Variants in SEPTIN10 observed in about 807,000 individuals in gnomAD.
The protein encoded by SEPTIN10 is septin-10.
SEPTIN10 carries 66 observed loss-of-function variants against 54.8 expected under a neutral mutation model. The ratio of observed to expected loss-of-function variants is 1.21; its 90% CI spans 0.99 to 1.48. The LOEUF is 1.48. SEPTIN10 is among the 40% of genes most tolerant of loss of function. The pLI is 0.00. For missense variants in SEPTIN10, 620 were observed against 545.6 expected (o/e 1.14, Z -1.36); for synonymous variants, 161 against 181.0 (o/e 0.89, Z 0.89).
chr2:109,559,915 T>C (rs1685241815), intron 8 of SEPTIN10, among the ~76,000 whole-genome samples: 1 of 148,460 alleles, frequency 6.7e-6, no homozygotes, highest in African/African-American at 2.5e-5. Flanking sequence ...CAATGCCTTT[T>C]TTTTTTTTTT....
At chr2:109,568,326 A>G (rs975524130) in intron 5 of SEPTIN10, among the ~76,000 whole-genome samples, 7 of 151,086 alleles carry the variant, frequency 4.6e-5, no homozygotes, top group Non-Finnish European at 8.8e-5. Context: ...TCTCCTGTAT[A>G]TATACACCCC....
chr2:109,584,114 C>T (rs776062828), intron 4 of SEPTIN10, among the ~76,000 whole-genome samples: 8 of 152,124 alleles, frequency 5.3e-5, no homozygotes, highest in Non-Finnish European at 1.0e-4. Context: ...TGTAATAAAC[C>T]TGCAAATGTA....
chr2:109,585,428 G>T, intron 3 of SEPTIN10, 107 bp from the exon 4 acceptor site: 1 of 937,810 alleles, frequency 1.1e-6, no homozygotes, highest in Non-Finnish European at 1.6e-6. Flanking sequence ...TCAAAGGCCA[G>T]GGTGCGCATG....
chr2:109,592,917 AAATT>A, intron 2 of SEPTIN10, 130 bp downstream of exon 2: 1 of 468,530 alleles, frequency 2.1e-6, no homozygotes, highest in Non-Finnish European at 3.7e-6. Flanking sequence ...ATCAACAGAA[AAATT>A]AATTCACGTT....
chr2:109,567,695 C>T, intron 6 of SEPTIN10, 120 bp downstream of exon 6: 1 of 1,019,534 alleles, frequency 9.8e-7, no homozygotes. Context: ...TTTGAAAATT[C>T]ACCTTGTTTG....
chr2:109,608,629 A>G (rs1360102133), intron 1 of SEPTIN10, among the ~76,000 whole-genome samples: 1 of 152,242 alleles, frequency 6.6e-6, no homozygotes, highest in Non-Finnish European at 1.5e-5. Flanking sequence ...ACAAAGTATA[A>G]GTGCTATATC....
At chr2:109,566,216 G>C (rs868473298) in intron 6 of SEPTIN10, among the ~76,000 whole-genome samples, 140 of 152,144 alleles carry the variant, frequency 9.2e-4, no homozygotes, top group African/African-American at 3.3e-3. Flanking sequence ...CGCCTCCTGG[G>C]TTCCAGTGAT....
intron 9 of SEPTIN10, among the ~76,000 whole-genome samples, chr2:109,549,217 G>C (rs1168572455): frequency 6.6e-6 from 1 of 152,234 alleles, no homozygotes; most frequent in Non-Finnish European, 1.5e-5. Context: ...AGGAGCAGGA[G>C]TGGGACAAAG....
At position 109,544,014 on chromosome 2, in the gene SEPTIN10, C is replaced by T. The variant is rs1346512149; in HGVS notation, c.*295G>A. ...CTGAACCATCAGAAAGCAAAGGTGT[C>T]GGGTGGGGAATTTTCCACTTGTGGG... On this transcript the variant is annotated 3_prime_UTR_variant, in exon 11 of 11. Coordinates refer to ENST00000397712, the MANE Select transcript of SEPTIN10 (RefSeq NM_144710.5). The T allele has an allele frequency of 2.7e-6, 2 of 748,360 alleles. No individual in the cohort carries two copies. The highest frequency in any genetic ancestry group is 3.0e-5 in the Admixed American group (1 of 33,412). The allele number at this position is 748,360 out of a possible 1,614,324, so 46.4% of individuals were successfully genotyped here.
intron 9 of SEPTIN10, among the ~76,000 whole-genome samples, chr2:109,551,275 C>T (rs1682889961): frequency 6.6e-6 from 1 of 152,176 alleles, no homozygotes; most frequent in African/African-American, 2.4e-5. Flanking sequence ...ATATTTGTTT[C>T]ACAACAATAT....
rs1277150089 is a variant in SEPTIN10, at chr2:109,567,913, T to TA, written c.663dup (p.Lys222Ter). On this transcript the variant is annotated frameshift_variant, in exon 6 of 11. Transcript: ENST00000397712. LOFTEE classifies it high-confidence loss of function. Reference sequence around the variant, plus strand: ...ACCAATTCACTCATGAGCTTGATCTTAAACTTCTGTAATTCAGTTTTAGAA... The same window carrying TA: ...ACCAATTCACTCATGAGCTTGATCTTAAAACTTCTGTAATTCAGTTTTAGAA... 1 of 1,613,968 alleles carries TA rather than the reference T, an allele frequency of 6.2e-7. No individual in the cohort carries two copies. Among genetic ancestry groups the TA allele is most frequent in the Non-Finnish European group, 8.5e-7 (1 of 1,179,846 alleles).
At chr2:109,544,494 G>C (rs912973417) in intron 10 of SEPTIN10, 170 bp from the exon 11 acceptor site, 2 of 985,200 alleles carry the variant, frequency 2.0e-6, no homozygotes, top group Non-Finnish European at 2.4e-6. Flanking sequence ...TTCTTCTAGA[G>C]AGCTCTCAAA....
chr2:109,576,363 C>T (rs757622583), intron 4 of SEPTIN10, among the ~76,000 whole-genome samples: 8 of 151,794 alleles, frequency 5.3e-5, no homozygotes, highest in Non-Finnish European at 7.4e-5. Flanking sequence ...CCTCCCAAAG[C>T]GCTGGGATGA....
At chr2:109,556,914 G>C (rs1212602359) in intron 8 of SEPTIN10, among the ~76,000 whole-genome samples, 2 of 151,978 alleles carry the variant, frequency 1.3e-5, no homozygotes, top group African/African-American at 2.4e-5. Flanking sequence ...GCAAACTATC[G>C]CAAGGACAAA....
chr2:109,551,955 G>A (rs6752531), intron 9 of SEPTIN10, among the ~76,000 whole-genome samples: 38,589 of 152,018 alleles, frequency 0.25, 5,002 homozygotes, highest in South Asian at 0.3. Flanking sequence ...TCCCCAGGCC[G>A]CGGACCAGTA....
At chr2:109,588,848 A>AT (rs1227216488) in intron 2 of SEPTIN10, among the ~76,000 whole-genome samples, 5 of 97,618 alleles carry the variant, frequency 5.1e-5, no homozygotes, top group African/African-American at 1.8e-4. Context: ...GTCAATTACT[A>AT]TTAAAAAAAA....
At position 109,544,465 on chromosome 2, in the gene SEPTIN10, A is replaced by G. The variant is rs181923429; in HGVS notation, c.1350-141T>C. ...AAGAAAAAACCAAAAACACCAAACCATATTTTCTTGAAGATAAATTCTTCT... is the reference window on the plus strand; with the variant it reads ...AAGAAAAAACCAAAAACACCAAACCGTATTTTCTTGAAGATAAATTCTTCT... On this transcript the variant is annotated intron_variant, in intron 10 of 10. Transcript: ENST00000397712. The G allele has an allele frequency of 1.9e-4, 262 of 1,379,326 alleles. 3 individuals carry two copies. The East Asian group carries it at 6.5e-3, about 34-fold the overall frequency. The allele number at this position is 1,379,326 out of a possible 1,614,324, so 85.4% of individuals were successfully genotyped here.
chr2:109,569,956 AC>A (rs1553431032), intron 5 of SEPTIN10, among the ~76,000 whole-genome samples: 1 of 151,944 alleles, frequency 6.6e-6, no homozygotes, highest in Non-Finnish European at 1.5e-5. Context: ...GTCAGCAAGG[AC>A]ACCACCTCTC....
Position 109,603,832 on chromosome 2 carries a change from G to A in SEPTIN10, c.30+9966C>T, listed in dbSNP as rs182866480. Among the ~76,000 whole-genome samples the A allele has an allele frequency of 5.1e-4, 77 of 152,062 alleles. 1 individual carries two copies. The East Asian group carries it at 0.011, about 22-fold the overall frequency. On this transcript the variant is annotated intron_variant, in intron 1 of 10. Transcript: ENST00000397712. Reference sequence around the variant, plus strand: ...TGGTGGGTCCTGAGGTCAGCAGTTCGATACCAGCCTGGCCAATATGGTGAA... The same window carrying A: ...TGGTGGGTCCTGAGGTCAGCAGTTCAATACCAGCCTGGCCAATATGGTGAA...
Sources: gnomAD v4.1 joint callset for allele counts (sites outside exome capture counted in the v4.1 genomes callset) on GRCh38, gnomAD v4.1.1 for gene constraint, MANE v1.5 for transcripts, NCBI Gene and HGNC (gene_info 2026-07-23, HGNC 2026-07-21) for gene names.